The following SLC2A13 variants were observed in gnomAD, a reference collection of about 807,000 sequenced individuals.
SLC2A13 encodes solute carrier family 2 member 13.
In SLC2A13, 32 loss-of-function variants were observed where a neutral mutation model predicts 64.4. That is an observed-to-expected ratio of 0.50 (90% CI 0.37 to 0.67). The LOEUF is 0.67. SLC2A13 is among the 30% of genes least tolerant of loss of function. The pLI is 0.00. For missense variants in SLC2A13, 743 were observed against 829.2 expected, an observed-to-expected ratio of 0.90 and a Z score of 1.28; for synonymous variants, 338 against 327.1, an observed-to-expected ratio of 1.03 and a Z score of -0.36.
intron 3 of SLC2A13, among the ~76,000 whole-genome samples, chr12:39,968,760 G>GTATA (rs56838055): frequency 3.0e-4 from 18 of 59,840 alleles, no homozygotes; most frequent in Admixed American, 5.9e-4. Context: ...TTTTTTTTTG[G>GTATA]TATATATATA....
chr12:39,945,542 A>T (rs1490242076), intron 4 of SLC2A13, among the ~76,000 whole-genome samples: 2 of 151,876 alleles, frequency 1.3e-5, no homozygotes, highest in East Asian at 1.9e-4. Flanking sequence ...GGCTTTGTTC[A>T]TATTTTCTTA....
intron 7 of SLC2A13, among the ~76,000 whole-genome samples, chr12:39,773,594 C>A (rs1387495714): frequency 2.0e-5 from 3 of 152,158 alleles, no homozygotes; most frequent in African/African-American, 7.2e-5. Context: ...TTAAGCAGTG[C>A]AAATATACAA....
chr12:39,809,841 C>T (rs1257186792), intron 7 of SLC2A13, among the ~76,000 whole-genome samples: 1 of 152,168 alleles, frequency 6.6e-6, no homozygotes, highest in Non-Finnish European at 1.5e-5. Context: ...ATGAACTCAT[C>T]CTTTTTTATG....
intron 1 of SLC2A13, among the ~76,000 whole-genome samples, chr12:40,077,951 T>A (rs1938242882): frequency 6.6e-6 from 1 of 152,192 alleles, no homozygotes; most frequent in Non-Finnish European, 1.5e-5. Flanking sequence ...GGCTCTCGGC[T>A]TCAACGTTAT....
intron 7 of SLC2A13, among the ~76,000 whole-genome samples, chr12:39,822,203 AATG>A (rs1327896860): frequency 1.1e-4 from 17 of 151,816 alleles, no homozygotes; most frequent in African/African-American, 3.6e-4. Flanking sequence ...GTTTACTGAG[AATG>A]ATGATTTCCA....
chr12:39,826,530 GA>G (rs1298165114), intron 7 of SLC2A13, among the ~76,000 whole-genome samples: 1 of 146,690 alleles, frequency 6.8e-6, no homozygotes, highest in African/African-American at 2.5e-5. Context: ...CATATTTTAA[GA>G]GTTTACTCTT....
intron 1 of SLC2A13, among the ~76,000 whole-genome samples, chr12:40,065,615 C>T (rs900484001): frequency 2.0e-5 from 3 of 151,906 alleles, no homozygotes; most frequent in Non-Finnish European, 4.4e-5. Flanking sequence ...TATTAGCTGT[C>T]ATCTAAGACT....
intron 7 of SLC2A13, among the ~76,000 whole-genome samples, chr12:39,807,138 T>A (rs2135796959): frequency 6.7e-6 from 1 of 148,806 alleles, no homozygotes; most frequent in East Asian, 1.9e-4. Context: ...CCACTGAAAG[T>A]AATTGCAAAA....
intron 4 of SLC2A13, among the ~76,000 whole-genome samples, chr12:39,909,757 A>C (rs1329460137): frequency 6.6e-6 from 1 of 152,094 alleles, no homozygotes; most frequent in Non-Finnish European, 1.5e-5. Flanking sequence ...CTAGTGAGAC[A>C]TATAGGATTT....
Position 40,007,015 on chromosome 12 carries a change from A to G in SLC2A13, c.925+21286T>C, listed in dbSNP as rs537475632. On this transcript the variant is annotated intron_variant, in intron 3 of 9. Transcript: ENST00000280871. The stretch of plus-strand genomic sequence containing the variant: ...CTAATCAGTTTATTTATTTATAAAG[A>G]AGATGAGCCACATCTTTTAATTAGC... Among the ~76,000 whole-genome samples the G allele has an allele frequency of 5.9e-5, 9 of 152,344 alleles. No individual in the cohort carries two copies. In the South Asian group the frequency reaches 1.9e-3, roughly 32 times the overall value.
intron 4 of SLC2A13, among the ~76,000 whole-genome samples, chr12:39,945,869 C>T (rs994540041): frequency 6.6e-6 from 1 of 151,162 alleles, no homozygotes; most frequent in Non-Finnish European, 1.5e-5. Context: ...GGGATTTCTT[C>T]TTGGTTTGCA....
chr12:39,819,339 A>G (rs959251224), intron 7 of SLC2A13, among the ~76,000 whole-genome samples: 8 of 152,188 alleles, frequency 5.3e-5, no homozygotes, highest in Admixed American at 3.9e-4. Context: ...AGTCACAGTT[A>G]TAGGACCTTT....
intron 4 of SLC2A13, among the ~76,000 whole-genome samples, chr12:39,887,845 A>C (rs1944507875): frequency 2.0e-5 from 3 of 152,222 alleles, no homozygotes; most frequent in Non-Finnish European, 4.4e-5. Context: ...GGTCTGTCTC[A>C]TGGTTCTCCT....
At chr12:40,083,589 A>C (rs1407004271) in intron 1 of SLC2A13, among the ~76,000 whole-genome samples, 1 of 152,184 alleles carries the variant, frequency 6.6e-6, no homozygotes, top group Non-Finnish European at 1.5e-5. Context: ...GCCTCAAGGC[A>C]GGGCAAGGAG....
chr12:39,772,042 G>A (rs945771519), intron 7 of SLC2A13, among the ~76,000 whole-genome samples: 4 of 151,986 alleles, frequency 2.6e-5, no homozygotes, highest in Non-Finnish European at 2.9e-5. Flanking sequence ...TCACCTGTCC[G>A]AGATATTCTC....
chr12:39,956,396 T>C (rs1946314814), intron 3 of SLC2A13, among the ~76,000 whole-genome samples: 1 of 152,196 alleles, frequency 6.6e-6, no homozygotes, highest in Non-Finnish European at 1.5e-5. Context: ...GGTGTTCACA[T>C]ATGCCAGCGT....
intron 3 of SLC2A13, among the ~76,000 whole-genome samples, chr12:39,953,724 T>G (rs1210483313): frequency 1.3e-5 from 2 of 152,148 alleles, no homozygotes; most frequent in African/African-American, 4.8e-5. Context: ...CCAACTAGAT[T>G]AGAAATAAAA....
At chr12:39,859,649 A>C (rs1943705892) in intron 6 of SLC2A13, among the ~76,000 whole-genome samples, 1 of 152,012 alleles carries the variant, frequency 6.6e-6, no homozygotes, top group Non-Finnish European at 1.5e-5. Flanking sequence ...CAGCTTCCCG[A>C]GTAGCTGGGA....
intron 1 of SLC2A13, among the ~76,000 whole-genome samples, chr12:40,059,942 C>T (rs1195657217): frequency 6.6e-6 from 1 of 152,040 alleles, no homozygotes; most frequent in African/African-American, 2.4e-5. Flanking sequence ...CAAGAGAAGG[C>T]CAGGGAGAGA....
Sources: allele counts gnomAD v4.1 joint callset (sites outside exome capture counted in the v4.1 genomes callset), GRCh38; gene constraint gnomAD v4.1.1; transcripts MANE v1.5; gene names NCBI Gene and HGNC (gene_info 2026-07-23, HGNC 2026-07-21).